The following KATNIP variants were observed in gnomAD, a reference collection of about 807,000 sequenced individuals.
KATNIP encodes katanin interacting protein.
Under a neutral mutation model 174.0 loss-of-function variants are expected in KATNIP, and 126 were observed. That is an observed-to-expected ratio of 0.72 (90% CI 0.63 to 0.84). The LOEUF is 0.84. Ranked by LOEUF, KATNIP falls within the 40% of genes least tolerant of loss-of-function variation. KATNIP has a pLI of 0.00. For missense variants in KATNIP, 1,958 were observed against 2,109.7 expected, an observed-to-expected ratio of 0.93 and a Z score of 1.41; for synonymous variants, 810 against 835.7, an observed-to-expected ratio of 0.97 and a Z score of 0.53.
intron 18 of KATNIP, among the ~76,000 whole-genome samples, chr16:27,758,585 C>T (rs563048770): frequency 5.2e-4 from 79 of 152,324 alleles, no homozygotes; most frequent in African/African-American, 1.9e-3. Flanking sequence ...TATGATCTAG[C>T]CCCTGCCTAC....
At chr16:27,611,854 G>A (rs995540739) in intron 2 of KATNIP, among the ~76,000 whole-genome samples, 1 of 152,106 alleles carries the variant, frequency 6.6e-6, no homozygotes, top group Non-Finnish European at 1.5e-5. Flanking sequence ...AATTATATCC[G>A]ATTTCACACT....
chr16:27,661,462 G>T (rs966163906), intron 6 of KATNIP, among the ~76,000 whole-genome samples: 2 of 151,992 alleles, frequency 1.3e-5, no homozygotes, highest in East Asian at 3.9e-4. Context: ...CATGGTCTCG[G>T]CTCACTGCAA....
chr16:27,563,686 C>G (rs1412558787), intron 1 of KATNIP, among the ~76,000 whole-genome samples: 1 of 151,898 alleles, frequency 6.6e-6, no homozygotes, highest in African/African-American at 2.4e-5. Context: ...GTGGTAGGGT[C>G]TGGTTTTTAT....
intron 6 of KATNIP, chr16:27,660,028 G>T (rs1455681237): frequency 4.1e-6 from 4 of 983,016 alleles, no homozygotes; most frequent in Non-Finnish European, 4.8e-6. Flanking sequence ...CGGAGTTTGC[G>T]AGTCTTGTTT....
intron 6 of KATNIP, among the ~76,000 whole-genome samples, chr16:27,674,599 G>T (rs2078042238): frequency 6.6e-6 from 1 of 152,122 alleles, no homozygotes; most frequent in Admixed American, 6.5e-5. Context: ...CTCTCATAAG[G>T]ACGCCTATGA....
At chr16:27,734,065 G>A (rs189728873) in intron 14 of KATNIP, among the ~76,000 whole-genome samples, 1 of 151,966 alleles carries the variant, frequency 6.6e-6, no homozygotes, top group Admixed American at 6.6e-5. Context: ...AGTCTATAAG[G>A]ACTTATTTAT....
intron 8 of KATNIP, among the ~76,000 whole-genome samples, chr16:27,684,965 A>T (rs1247049977): frequency 6.6e-6 from 1 of 152,216 alleles, no homozygotes; most frequent in African/African-American, 2.4e-5. Flanking sequence ...TTCAACCCAT[A>T]ATATATGCTT....
At chr16:27,662,015 T>C (rs8054932) in intron 6 of KATNIP, among the ~76,000 whole-genome samples, 2,364 of 33,488 alleles carry the variant, frequency 0.071, 541 homozygotes, top group East Asian at 0.62. Context: ...TATATATATA[T>C]ACACATACAT....
chr16:27,569,538 T>C (rs567001618), intron 1 of KATNIP, among the ~76,000 whole-genome samples: 1 of 152,364 alleles, frequency 6.6e-6, no homozygotes, highest in Non-Finnish European at 1.5e-5. Context: ...AAGTGGCATA[T>C]ATTGATATTA....
At chr16:27,651,614 TTC>T (rs2077124574) in intron 6 of KATNIP, among the ~76,000 whole-genome samples, 1 of 152,240 alleles carries the variant, frequency 6.6e-6, no homozygotes, top group South Asian at 2.1e-4. Flanking sequence ...ATTTCATAGC[TTC>T]TCTGAGTTCA....
At chr16:27,560,580 C>A (rs1331912737) in intron 1 of KATNIP, among the ~76,000 whole-genome samples, 2 of 152,214 alleles carry the variant, frequency 1.3e-5, no homozygotes, top group African/African-American at 4.8e-5. Context: ...CTGGAGTACA[C>A]CGTCTTCTTT....
intron 15 of KATNIP, among the ~76,000 whole-genome samples, chr16:27,744,344 A>G (rs1399281439): frequency 6.6e-6 from 1 of 151,944 alleles, no homozygotes; most frequent in Non-Finnish European, 1.5e-5. Context: ...TGGGCAATAT[A>G]GTAAGACTCC....
At chr16:27,675,368 A>G (rs2078076798) in intron 6 of KATNIP, among the ~76,000 whole-genome samples, 1 of 152,214 alleles carries the variant, frequency 6.6e-6, no homozygotes, top group African/African-American at 2.4e-5. Context: ...TGCCCTTGAC[A>G]CATGGGGATT....
At chr16:27,683,965 C>A (rs890377807) in intron 8 of KATNIP, among the ~76,000 whole-genome samples, 1 of 152,190 alleles carries the variant, frequency 6.6e-6, no homozygotes, top group Non-Finnish European at 1.5e-5. Flanking sequence ...CCCCTAGAGC[C>A]CCTAGTAGGG....
chr16:27,664,013 T>C (rs1313442280), intron 6 of KATNIP, among the ~76,000 whole-genome samples: 1 of 152,048 alleles, frequency 6.6e-6, no homozygotes, highest in Non-Finnish European at 1.5e-5. Context: ...GGACTTGCTA[T>C]GTTGCCCAGA....
intron 8 of KATNIP, among the ~76,000 whole-genome samples, chr16:27,697,501 TCCA>T (rs1183849085): frequency 1.3e-5 from 2 of 151,966 alleles, no homozygotes; most frequent in Admixed American, 1.3e-4. Context: ...CACTGACGCT[TCCA>T]CCCTTCACCC....
intron 17 of KATNIP, among the ~76,000 whole-genome samples, chr16:27,753,349 G>T (rs1383822996): frequency 6.6e-6 from 1 of 152,180 alleles, no homozygotes; most frequent in African/African-American, 2.4e-5. Flanking sequence ...GTCTCCAGGT[G>T]GGAGTCTACC....
chr16:27,565,016 G>A lies in KATNIP; in HGVS notation c.8-8885G>A, dbSNP rs1013001557. ...TGACCTCAGGTGTTCCGCCTGCCTC[G>A]GCCTCCCAAAGTGCTGGGATTATAG... On this transcript the variant is annotated intron_variant, in intron 1 of 27. Transcript: ENST00000261588. Among the ~76,000 whole-genome samples, 9 of 151,090 alleles carry A rather than the reference G, an allele frequency of 6.0e-5. No individual in the cohort carries two copies. The East Asian group carries it at 1.4e-3, about 24-fold the overall frequency.
At chr16:27,615,586 C>T (rs1567497312) in intron 2 of KATNIP, among the ~76,000 whole-genome samples, 1 of 152,018 alleles carries the variant, frequency 6.6e-6, no homozygotes, top group Non-Finnish European at 1.5e-5. Flanking sequence ...AATCTCCTGA[C>T]CTTGTGATCG....
Sources: gnomAD v4.1 joint callset for allele counts (sites outside exome capture counted in the v4.1 genomes callset) on GRCh38, gnomAD v4.1.1 for gene constraint, MANE v1.5 for transcripts, NCBI Gene and HGNC (gene_info 2026-07-23, HGNC 2026-07-21) for gene names.